Variants in NCOA6 observed in about 807,000 individuals in gnomAD.
NCOA6 encodes NRC RAP250.
In NCOA6, 49 loss-of-function variants were observed where a neutral mutation model predicts 171.4. The ratio of observed to expected loss-of-function variants is 0.29; its 90% CI spans 0.23 to 0.36. NCOA6 has a LOEUF of 0.36. Ranked by LOEUF, NCOA6 falls within the 10% of genes least tolerant of loss-of-function variation. The pLI is 1.00. For synonymous variants in NCOA6, 910 were observed against 927.5 expected (o/e 0.98, Z 0.34); for missense variants, 2,248 against 2,554.5 (o/e 0.88, Z 2.59).
intron 2 of NCOA6, among the ~76,000 whole-genome samples, chr20:34,783,721 C>T (rs1048454982): frequency 6.6e-6 from 1 of 152,182 alleles, no homozygotes; most frequent in African/African-American, 2.4e-5. Flanking sequence ...CTCCCAGGTT[C>T]AAGCAATTCT....
intron 3 of NCOA6, chr20:34,776,730 T>TA: frequency 1.9e-6 from 1 of 540,418 alleles, no homozygotes; most frequent in South Asian, 1.6e-5. Flanking sequence ...ACAAATTAGA[T>TA]AATATATGCA....
chr20:34,722,500 G>A (rs887745639), intron 14 of NCOA6, among the ~76,000 whole-genome samples: 10 of 151,944 alleles, frequency 6.6e-5, no homozygotes, highest in Non-Finnish European at 1.5e-4. Context: ...GGCACACAGG[G>A]AGACCCCATC....
intron 8 of NCOA6, 73 bp downstream of exon 8, chr20:34,754,649 T>C: frequency 6.4e-7 from 1 of 1,567,584 alleles, no homozygotes; most frequent in Non-Finnish European, 8.8e-7. Flanking sequence ...CTTATCTGTA[T>C]ACTCCTGTTG....
At chr20:34,778,690 T>C (rs1175488286) in intron 3 of NCOA6, among the ~76,000 whole-genome samples, 3 of 152,046 alleles carry the variant, frequency 2.0e-5, no homozygotes, top group Non-Finnish European at 4.4e-5. Flanking sequence ...CCTCCCAAAG[T>C]GCTGGGATTG....
chr20:34,727,572 T>C lies in NCOA6; in HGVS notation c.6000-165A>G, dbSNP rs146472751. ...GGGTAATAAGCACTATTGCCTTCTA[T>C]GTTACTGGGGGTTTAAAAGTGAGTC... is the stretch of plus-strand genomic sequence containing the variant. On this transcript the variant is annotated intron_variant, in intron 13 of 14. Coordinates refer to ENST00000359003, the MANE Select transcript of NCOA6 (RefSeq NM_014071.5). Among the ~76,000 whole-genome samples, 84 of 152,302 alleles carry C rather than the reference T, an allele frequency of 5.5e-4. 1 individual carries two copies. The highest frequency in any genetic ancestry group is 1.7e-3 in the African/African-American group (70 of 41,568).
chr20:34,750,095 C>A lies in NCOA6; in HGVS notation c.2100G>T (p.Gly700=), dbSNP rs776099645. 7 of 1,614,208 alleles carry A rather than the reference C, an allele frequency of 4.3e-6. No homozygotes were observed. The Admixed American group carries it at 1.2e-4, about 27-fold the overall frequency. Residue 700 remains glycine, a synonymous_variant, in exon 9 of 15, where the codon GGG becomes GGT. Transcript: ENST00000359003. ...GTTGGAGCAAAACCTGCCCCTGAGG[C>A]CCCATCATCTGGTTATGTGGCGCCA... ...QMMAPHNQMM[G]PQGQVLLQQN...
Position 34,758,032 on chromosome 20 carries a change from G to T in NCOA6, c.716C>A (p.Pro239Gln). The change falls in exon 7 of 15, where the codon CCA becomes CAA. Residue 239 changes from proline (P) to glutamine (Q), a missense_variant. Physicochemically the swap from Pro to Gln is moderately conservative, Grantham distance 76. Transcript: ENST00000359003. Reference protein sequence around the residue: ...QSHPSGSLAPPHHPMQPVSVN... With the variant: ...QSHPSGSLAPQHHPMQPVSVN... ...AGAGACAGGCTGCATTGGGTGATGT[G>T]GGGGAGCTAAAGATCCTGAGGGATG... 2 of 1,614,038 alleles carry T rather than the reference G, an allele frequency of 1.2e-6. No individual in the cohort carries two copies. Among genetic ancestry groups the T allele is most frequent in the African/African-American group, 1.3e-5 (1 of 74,976 alleles).
chr20:34,722,147 G>A (rs1288312944), intron 14 of NCOA6, among the ~76,000 whole-genome samples: 3 of 150,796 alleles, frequency 2.0e-5, no homozygotes, highest in South Asian at 2.1e-4. Context: ...TTGGGAGGCC[G>A]AGGCAGGTGG....
At chr20:34,768,631 T>C (rs374557925) in intron 4 of NCOA6, 45 bp from the exon 5 acceptor site, 54 of 1,606,444 alleles carry the variant, frequency 3.4e-5, no homozygotes, top group South Asian at 1.0e-4. Flanking sequence ...TAGAATAAAA[T>C]GCAAATTTTG....
intron 13 of NCOA6, among the ~76,000 whole-genome samples, chr20:34,732,355 T>C (rs1328559208): frequency 1.3e-5 from 2 of 152,206 alleles, no homozygotes; most frequent in Admixed American, 1.3e-4. Flanking sequence ...GGTAGAAACT[T>C]GGCCTCCAGC....
chr20:34,766,581 T>C (rs186942291), intron 5 of NCOA6, among the ~76,000 whole-genome samples: 5 of 152,284 alleles, frequency 3.3e-5, no homozygotes, highest in African/African-American at 9.6e-5. Flanking sequence ...ATAATTTACA[T>C]GCACTTCTTA....
intron 14 of NCOA6, among the ~76,000 whole-genome samples, chr20:34,717,416 C>T (rs6060012): frequency 0.48 from 72,679 of 151,910 alleles, 17,798 homozygotes; most frequent in Admixed American, 0.61. Flanking sequence ...CGCCATTGCA[C>T]TCCAGCTTGG....
chr20:34,793,006 C>T (rs2146344270), intron 1 of NCOA6, among the ~76,000 whole-genome samples: 1 of 152,048 alleles, frequency 6.6e-6, no homozygotes, highest in African/African-American at 2.4e-5. Context: ...TAGTCTTGAA[C>T]TTCTGGGCTC....
In NCOA6 at chr20:34,750,514, G is replaced by A; in HGVS notation, c.1681C>T (p.Gln561Ter). ...TGGTTTTGAGGAGGACCAGCTCCTT[G>A]ACCACCTTAAAAAAAAAAAAAGTCA... ...ANQNVQHAGG[Q>*]GAGPPQNQMQ... The change falls in exon 9 of 15, where the codon CAA becomes TAA. Residue 561 changes from glutamine to a stop codon, truncating the protein, a stop_gained. Transcript: ENST00000359003. LOFTEE classifies it high-confidence loss of function. The A allele has an allele frequency of 6.4e-7, 1 of 1,556,188 alleles. No individual in the cohort carries two copies. Among genetic ancestry groups the A allele is most frequent in the Non-Finnish European group, 8.7e-7 (1 of 1,154,620 alleles).
chr20:34,750,355 G>A lies in NCOA6; in HGVS notation c.1840C>T (p.Gln614Ter). 1 of 1,614,064 alleles carries A rather than the reference G, an allele frequency of 6.2e-7. No individual in the cohort carries two copies. The highest frequency in any genetic ancestry group is 8.5e-7 in the Non-Finnish European group (1 of 1,179,982). Residue 614 changes from glutamine to a stop codon, truncating the protein, a stop_gained, in exon 9 of 15, where the codon CAG becomes TAG. Transcript: ENST00000359003. LOFTEE classifies it high-confidence loss of function. ...ATCAGCTGAGATGGTGGGCCCTGCTGGGGCTGGCCTTGCATGTTGCTGAGG... is the reference window on the plus strand; with the variant it reads ...ATCAGCTGAGATGGTGGGCCCTGCTAGGGCTGGCCTTGCATGTTGCTGAGG... ...VNLSNMQGQP[Q>*]QGPPSQLMGM...
At chr20:34,750,579 G>A (rs747020041) in intron 8 of NCOA6, 60 bp from the exon 9 acceptor site, 12 of 1,466,796 alleles carry the variant, frequency 8.2e-6, no homozygotes, top group Non-Finnish European at 1.1e-5. Flanking sequence ...TTGGTATTAA[G>A]ATACTCAAGT....
chr20:34,806,156 T>G (rs917986345), intron 1 of NCOA6, among the ~76,000 whole-genome samples: 3 of 152,242 alleles, frequency 2.0e-5, no homozygotes, highest in Admixed American at 1.3e-4. Context: ...TTGCATTTCT[T>G]GATGACTAGT....
chr20:34,735,075 G>A (rs1440509835), intron 12 of NCOA6, among the ~76,000 whole-genome samples: 4 of 152,160 alleles, frequency 2.6e-5, no homozygotes, highest in Non-Finnish European at 5.9e-5. Flanking sequence ...GGATGTTAAG[G>A]ATAAGGAGAT....
At chr20:34,784,333 T>A (rs117121313) in intron 2 of NCOA6, among the ~76,000 whole-genome samples, 8,052 of 151,976 alleles carry the variant, frequency 0.053, 253 homozygotes, top group East Asian at 0.079. Context: ...CAAGTGATCC[T>A]CTCGCCTCAG....
Sources: gnomAD v4.1 joint callset for allele counts (sites outside exome capture counted in the v4.1 genomes callset) on GRCh38, gnomAD v4.1.1 for gene constraint, MANE v1.5 for transcripts, NCBI Gene and HGNC (gene_info 2026-07-23, HGNC 2026-07-21) for gene names.